The following MYH2 variants were observed in gnomAD, a reference collection of about 807,000 sequenced individuals.
MYH2 encodes the protein myosin-2.
In MYH2, 139 loss-of-function variants were observed where a neutral mutation model predicts 228.1. The ratio of observed to expected loss-of-function variants is 0.61; its 90% CI spans 0.53 to 0.70. The LOEUF is 0.70. MYH2 is among the 30% of genes least tolerant of loss of function. The pLI, the probability that MYH2 is intolerant of heterozygous loss-of-function variation, is 0.00. For missense variants in MYH2, 1,809 were observed against 2,357.5 expected (o/e 0.77, Z 4.82); for synonymous variants, 796 against 871.1 (o/e 0.91, Z 1.52).
Position 10,529,088 on chromosome 17 carries a change from G to A in MYH2, c.3355-9C>T. On this transcript the variant is annotated splice_polypyrimidine_tract_variant and intron_variant, in intron 26 of 39. Coordinates refer to ENST00000245503, the MANE Select transcript of MYH2 (RefSeq NM_017534.6). Reference sequence around the variant, plus strand: ...AGCTCCTCAATGCGGGCCTGGGAATGGTGGAAAATACAAACTCAGCTTCTT... The same window carrying A: ...AGCTCCTCAATGCGGGCCTGGGAATAGTGGAAAATACAAACTCAGCTTCTT... 6.2e-7 allele frequency: 1 copy of A among 1,614,186 alleles called. No individual in the cohort carries two copies. Among genetic ancestry groups the A allele is most frequent in the East Asian group, 2.2e-5 (1 of 44,880 alleles).
In MYH2 at chr17:10,521,223, A is replaced by C; in HGVS notation, c.*57T>G. The stretch of plus-strand genomic sequence containing the variant: ...TACACAATAATTACAGAGGGAAATG[A>C]CCAAAGATGTCACATTTTGTGCCTG... On this transcript the variant is annotated 3_prime_UTR_variant, in exon 40 of 40. Transcript: ENST00000245503. 1 of 1,592,980 alleles carries C rather than the reference A, an allele frequency of 6.3e-7. No individual in the cohort carries two copies. Among genetic ancestry groups the C allele is most frequent in the Non-Finnish European group, 8.6e-7 (1 of 1,162,598 alleles).
chr17:10,523,886 T>C lies in MYH2; in HGVS notation c.5176-2A>G. Reference sequence around the variant, plus strand: ...CTTGGTGTTGATCAGGCTGGTGTTCTGTTTAAAAAGAATTTGTACATTTAA... The same window carrying C: ...CTTGGTGTTGATCAGGCTGGTGTTCCGTTTAAAAAGAATTTGTACATTTAA... On this transcript the variant is annotated splice_acceptor_variant, in intron 35 of 39. Transcript: ENST00000245503. LOFTEE classifies it high-confidence loss of function. 2 of 1,613,110 alleles carry C rather than the reference T, an allele frequency of 1.2e-6. No individual in the cohort carries two copies. Among genetic ancestry groups the C allele is most frequent in the Non-Finnish European group, 1.7e-6 (2 of 1,179,284 alleles).
At position 10,535,117 on chromosome 17, in the gene MYH2, C is replaced by T. The variant is rs768172624; in HGVS notation, c.2136G>A (p.Arg712=). ...NGVLEGIRIC[R]KGFPSRILYA... ...AAAGGATTCTGCTTGGAAATCCTTT[C>T]CTACAGATGCGGATGCCTTCCAGCA... The change falls in exon 19 of 40, where the codon AGG becomes AGA. Residue 712 remains arginine (R), a synonymous_variant. Coordinates refer to ENST00000245503, the MANE Select transcript of MYH2 (RefSeq NM_017534.6). 1 of 1,614,166 alleles carries T rather than the reference C, an allele frequency of 6.2e-7. No individual in the cohort carries two copies. The highest frequency in any genetic ancestry group is 8.5e-7 in the Non-Finnish European group (1 of 1,180,038).
chr17:10,522,938 A>G, intron 39 of MYH2, 152 bp downstream of exon 39: 1 of 645,236 alleles, frequency 1.5e-6, no homozygotes, highest in East Asian at 2.8e-5. Flanking sequence ...AAATGAAGCT[A>G]CTGATATTAC....
chr17:10,543,017 T>C, intron 9 of MYH2, 44 bp from the exon 10 acceptor site: 1 of 1,589,574 alleles, frequency 6.3e-7, no homozygotes, highest in Non-Finnish European at 8.6e-7. Context: ...TAAAAATTCA[T>C]GTGACATGCG....
Position 10,537,126 on chromosome 17 carries a change from C to T in MYH2, c.1897+107G>A. On this transcript the variant is annotated intron_variant, in intron 16 of 39. Coordinates refer to ENST00000245503, the MANE Select transcript of MYH2 (RefSeq NM_017534.6). This position sits in a 1 kb window ranked among gnomAD's most constrained non-coding sequence, Gnocchi z 4.0. ...CTATCTATTCAATACTTGGAGGAAC[C>T]AGGGGCTTGGTCTGCAACCCTTCTG... 1 of 1,451,716 alleles carries T rather than the reference C, an allele frequency of 6.9e-7. No homozygotes were observed. The highest frequency in any genetic ancestry group is 1.7e-5 in the Admixed American group (1 of 59,772). The allele number at this position is 1,451,716 out of a possible 1,614,324, so 89.9% of individuals were successfully genotyped here.
chr17:10,535,505 C>T (rs932530299), intron 17 of MYH2, 140 bp from the exon 18 acceptor site: 2 of 754,288 alleles, frequency 2.7e-6, no homozygotes, highest in Admixed American at 4.1e-5. Context: ...ACTTTGAATG[C>T]TTCTTCTGAG....
Position 10,527,867 on chromosome 17 carries a change from A to C in MYH2, c.3752T>G (p.Leu1251Arg). ...VETVSKAKGN[L>R]EKMCRTLEDQ... is the part of the protein sequence containing the mutation. ...CTCTAGAGTCCGGCACATTTTCTCT[A>C]GGTTTCCCTATAGAAGAAAAAGTAA... is the stretch of plus-strand genomic sequence containing the variant. The change falls in exon 28 of 40, where the codon CTA becomes CGA. Residue 1251 changes from leucine (L) to arginine (R), a missense_variant. This residue lies in a region of MYH2 where 636 missense variants were observed against 729.9 expected (regional missense o/e 0.87). Coordinates refer to ENST00000245503, the MANE Select transcript of MYH2 (RefSeq NM_017534.6). 2 of 1,613,376 alleles carry C rather than the reference A, an allele frequency of 1.2e-6. No homozygotes were observed. The highest frequency in any genetic ancestry group is 1.7e-6 in the Non-Finnish European group (2 of 1,179,986).
intron 4 of MYH2, 25 bp downstream of exon 4, chr17:10,547,450 C>G: frequency 1.2e-6 from 2 of 1,613,818 alleles, no homozygotes; most frequent in Non-Finnish European, 8.5e-7. Flanking sequence ...GATGATTATA[C>G]AGAGCACTGG....
chr17:10,541,893 T>C (rs1292992059), intron 10 of MYH2, among the ~76,000 whole-genome samples: 2 of 152,192 alleles, frequency 1.3e-5, no homozygotes, highest in Non-Finnish European at 2.9e-5. Flanking sequence ...TGATGACTGA[T>C]GGGCACTGGA....
In MYH2 at chr17:10,526,683, G is replaced by C; in HGVS notation, c.4103C>G (p.Ser1368Cys). The C allele has an allele frequency of 6.2e-7, 1 of 1,614,058 alleles. No individual in the cohort carries two copies. Among genetic ancestry groups the C allele is most frequent in the Non-Finnish European group, 8.5e-7 (1 of 1,179,922 alleles). ...TTGGGCAACCTCGGTGTTGGCCTTG[G>C]ACAGTGCTCTCTGCAGCTCGGCCTT... ...ESKAELQRAL[S>C]KANTEVAQWR... The change falls in exon 30 of 40, where the codon TCC becomes TGC. Residue 1368 changes from serine (S) to cysteine (C), a missense_variant. Around this residue, in one of 9 missense-constraint regions of MYH2, gnomAD observed 636 missense variants for 729.9 expected, o/e 0.87. Coordinates refer to ENST00000245503, the MANE Select transcript of MYH2 (RefSeq NM_017534.6).
chr17:10,536,711 G>A (rs370367267), intron 16 of MYH2, 105 bp from the exon 17 acceptor site: 7 of 1,047,780 alleles, frequency 6.7e-6, no homozygotes, highest in Middle Eastern at 2.2e-4. Context: ...TTTCTACCCA[G>A]CTGGCCTCTC....
In MYH2 at chr17:10,529,582, A is replaced by G. The variant is rs913441623; in HGVS notation, c.3099T>C (p.Leu1033=). The G allele has an allele frequency of 1.9e-6, 3 of 1,614,112 alleles. No individual in the cohort carries two copies. The highest frequency in any genetic ancestry group is 1.7e-5 in the Admixed American group (1 of 60,022). Reference sequence around the variant, plus strand: ...GACTTACATCATCCACTTGTTGTTCAAGTTTGATTTTAGCTTTGGTCAGGG... The same window carrying G: ...GACTTACATCATCCACTTGTTGTTCGAGTTTGATTTTAGCTTTGGTCAGGG... ...VNTLTKAKIK[L]EQQVDDLEGS... is the part of the protein sequence containing the mutation. Residue 1033 remains leucine, a synonymous_variant, in exon 24 of 40, where the codon CTT becomes CTC. Coordinates refer to ENST00000245503, the MANE Select transcript of MYH2 (RefSeq NM_017534.6).
Position 10,537,144 on chromosome 17 carries a change from C to T in MYH2, c.1897+89G>A. 7 of 1,554,802 alleles carry T rather than the reference C, an allele frequency of 4.5e-6. No individual in the cohort carries two copies. The highest frequency in any genetic ancestry group is 5.3e-6 in the Non-Finnish European group (6 of 1,131,420). Reference sequence around the variant, plus strand: ...GAGGAACCAGGGGCTTGGTCTGCAACCCTTCTGCCAGACCTAAGAGATCAC... The same window carrying T: ...GAGGAACCAGGGGCTTGGTCTGCAATCCTTCTGCCAGACCTAAGAGATCAC... On this transcript the variant is annotated intron_variant, in intron 16 of 39. Transcript: ENST00000245503. This position sits in a 1 kb window ranked among gnomAD's most constrained non-coding sequence, Gnocchi z 4.0.
Position 10,526,803 on chromosome 17 carries a change from G to A in MYH2, c.3991-8C>T. On this transcript the variant is annotated splice_region_variant and splice_polypyrimidine_tract_variant and intron_variant, in intron 29 of 39. Coordinates refer to ENST00000245503, the MANE Select transcript of MYH2 (RefSeq NM_017534.6). ...CGCCAGGGCGTTCTTGGCCTATGGA[G>A]GCAGTTACACCTTCATTTTACTGGA... 1 of 1,614,236 alleles carries A rather than the reference G, an allele frequency of 6.2e-7. No homozygotes were observed. The highest frequency in any genetic ancestry group is 8.5e-7 in the Non-Finnish European group (1 of 1,180,056).
rs2073650749 is a variant in MYH2, at chr17:10,547,498, G to A, written c.325C>T (p.Arg109Cys). ...EPAVLYNLKE[R>C]YAAWMIYTYS... is the part of the protein sequence containing the mutation. The stretch of plus-strand genomic sequence containing the variant: ...ACGTAGATCATCCAGGCTGCATAAC[G>A]TTCTTTGAGGTTGTACAGCACAGCA... The change falls in exon 4 of 40, where the codon CGT (arginine) becomes TGT (cysteine). Residue 109 changes from arginine to cysteine, a missense_variant. Around this residue, in one of 9 missense-constraint regions of MYH2, gnomAD observed 373 missense variants for 620.4 expected, o/e 0.60. Coordinates refer to ENST00000245503, the MANE Select transcript of MYH2 (RefSeq NM_017534.6). The A allele has an allele frequency of 1.2e-6, 2 of 1,614,084 alleles. No individual in the cohort carries two copies. The highest frequency in any genetic ancestry group is 1.7e-6 in the Non-Finnish European group (2 of 1,180,006).
chr17:10,528,820 C>T lies in MYH2; in HGVS notation c.3614G>A (p.Ser1205Asn), dbSNP rs754686491. ...AATLRKKHAD[S>N]VAELGEQIDN... ...AATCTGCTCCCCAAGCTCGGCCACA[C>T]TATCTGCATGCTTCTTCCTCAGGGT... The change falls in exon 27 of 40, where the codon AGT becomes AAT. Residue 1205 changes from serine to asparagine, a missense_variant. This residue lies in a region of MYH2 where 636 missense variants were observed against 729.9 expected (regional missense o/e 0.87). Transcript: ENST00000245503. The T allele has an allele frequency of 9.3e-6, 15 of 1,614,122 alleles. No homozygotes were observed. In the East Asian group the frequency reaches 2.9e-4, roughly 31 times the overall value.
At chr17:10,539,899 C>A in intron 12 of MYH2, 29 bp downstream of exon 12, 1 of 1,613,650 alleles carries the variant, frequency 6.2e-7, no homozygotes, top group Non-Finnish European at 8.5e-7. Context: ...CAAACAAATG[C>A]AAAATCATGG....
intron 39 of MYH2, among the ~76,000 whole-genome samples, chr17:10,521,939 T>A (rs2073290459): frequency 6.6e-6 from 1 of 152,234 alleles, no homozygotes; most frequent in African/African-American, 2.4e-5. Flanking sequence ...TATTAGGTAA[T>A]CTTTACATTG....
Sources: gnomAD v4.1 joint callset for allele counts (sites outside exome capture counted in the v4.1 genomes callset) on GRCh38, gnomAD v4.1.1 for gene constraint, gnomAD v4.1.1 regional missense constraint, Gnocchi (gnomAD v3.1) non-coding constraint, MANE v1.5 for transcripts, NCBI Gene and HGNC (gene_info 2026-07-23, HGNC 2026-07-21) for gene names.